The following GLRA1 variants were observed in gnomAD, a reference collection of about 807,000 sequenced individuals.
The protein encoded by GLRA1 is glycine receptor subunit alpha-1.
In GLRA1, 37 loss-of-function variants were observed where a neutral mutation model predicts 48.3. That is an observed-to-expected ratio of 0.77 (90% CI 0.59 to 1.01). GLRA1 has a LOEUF of 1.01. Ranked by LOEUF, GLRA1 falls within the 50% of genes least tolerant of loss-of-function variation. The probability of loss-of-function intolerance (pLI) is 0.00; values close to 1 mark genes in which losing one functional copy is unlikely to be tolerated. For missense variants in GLRA1, 427 were observed against 571.0 expected (o/e 0.75, Z 2.57); for synonymous variants, 196 against 210.7 (o/e 0.93, Z 0.60).
chr5:151,903,983 G>T (rs1436491310), intron 1 of GLRA1, among the ~76,000 whole-genome samples: 1 of 152,218 alleles, frequency 6.6e-6, no homozygotes, highest in African/African-American at 2.4e-5. Flanking sequence ...TGCTAAAACA[G>T]CTCACTCAAT....
chr5:151,871,415 A>T lies in GLRA1; in HGVS notation c.253-11407T>A, dbSNP rs184730792. Among the ~76,000 whole-genome samples the T allele has an allele frequency of 2.7e-5, 4 of 149,702 alleles. No individual in the cohort carries two copies. The East Asian group carries it at 5.8e-4, about 22-fold the overall frequency. The stretch of plus-strand genomic sequence containing the variant: ...TGAAATATGTGAGTTGTATATATTT[A>T]AAAAAATCAAAAACTTTACTGAAAG... On this transcript the variant is annotated intron_variant, in intron 3 of 8. Coordinates refer to ENST00000274576, the MANE Select transcript of GLRA1 (RefSeq NM_000171.4).
In GLRA1 at chr5:151,893,295, T is replaced by A. The variant is rs149556058; in HGVS notation, c.57-857A>T. ...CTCCCTCTGCCCAACTTTCTTTCTTTCTTTCTTTCTTTCTTTCTTTCTTTC... is the reference window on the plus strand; with the variant it reads ...CTCCCTCTGCCCAACTTTCTTTCTTACTTTCTTTCTTTCTTTCTTTCTTTC... On this transcript the variant is annotated intron_variant, in intron 1 of 8. Coordinates refer to ENST00000274576, the MANE Select transcript of GLRA1 (RefSeq NM_000171.4). Among the ~76,000 whole-genome samples, 471 of 115,112 alleles carry A rather than the reference T, an allele frequency of 4.1e-3. 3 individuals carry two copies. Among genetic ancestry groups the A allele is most frequent in the African/African-American group, 0.015 (433 of 28,802 alleles). The allele number at this position is 115,112 out of a possible 152,430, so 75.5% of individuals were successfully genotyped here. A position where few individuals can be genotyped will look rare whatever the true frequency, so the allele number is the denominator to read the frequency against.
At chr5:151,879,329 CT>C (rs35141091) in intron 3 of GLRA1, among the ~76,000 whole-genome samples, 13 of 148,088 alleles carry the variant, frequency 8.8e-5, no homozygotes, top group Non-Finnish European at 1.3e-4. Context: ...AACTAACTTC[CT>C]TTTTTTTTTC....
chr5:151,824,385 C>T (rs910512310), intron 8 of GLRA1, among the ~76,000 whole-genome samples: 2 of 151,994 alleles, frequency 1.3e-5, no homozygotes, highest in African/African-American at 4.8e-5. Flanking sequence ...TGCTTAGAAC[C>T]TTTTAATAGG....
chr5:151,865,604 A>G (rs1426063990), intron 3 of GLRA1, among the ~76,000 whole-genome samples: 3 of 152,232 alleles, frequency 2.0e-5, no homozygotes, highest in Non-Finnish European at 2.9e-5. Context: ...GCATTTTATT[A>G]CTAATATTTA....
intron 4 of GLRA1, among the ~76,000 whole-genome samples, chr5:151,859,068 G>A (rs76065488): frequency 0.047 from 7,223 of 152,220 alleles, 597 homozygotes; most frequent in African/African-American, 0.16. Context: ...CCTGCTTCAT[G>A]GGGTTATTAG....
At chr5:151,910,175 G>A (rs909112279) in intron 1 of GLRA1, among the ~76,000 whole-genome samples, 1 of 152,130 alleles carries the variant, frequency 6.6e-6, no homozygotes, top group African/African-American at 2.4e-5. Flanking sequence ...CAATCAAGAC[G>A]GCACTGGTTT....
Position 151,851,467 on chromosome 5 carries a change from C to T in GLRA1, c.835G>A (p.Ala279Thr). 1 of 1,613,982 alleles carries T rather than the reference C, an allele frequency of 6.2e-7. No individual in the cohort carries two copies. The highest frequency in any genetic ancestry group is 8.5e-7 in the Non-Finnish European group (1 of 1,179,934). ...SFWINMDAAPARVGLGITTVL... is the reference protein window; with the variant it reads ...SFWINMDAAPTRVGLGITTVL... Reference sequence around the variant, plus strand: ...GTGGTGATGCCTAGGCCCACACGAGCAGGTGCAGCATCCATGTTGATCCAG... The same window carrying T: ...GTGGTGATGCCTAGGCCCACACGAGTAGGTGCAGCATCCATGTTGATCCAG... The change falls in exon 7 of 9, where the codon GCT becomes ACT. Residue 279 changes from alanine to threonine, a missense_variant. Around this residue, in one of 4 missense-constraint regions of GLRA1, gnomAD observed 271 missense variants for 434.9 expected, o/e 0.62. Coordinates refer to ENST00000274576, the MANE Select transcript of GLRA1 (RefSeq NM_000171.4).
At chr5:151,896,339 A>T (rs1754227527) in intron 1 of GLRA1, among the ~76,000 whole-genome samples, 2 of 152,352 alleles carry the variant, frequency 1.3e-5, no homozygotes, top group South Asian at 4.1e-4. Flanking sequence ...AAGGAATTAG[A>T]ACTTACATTT....
chr5:151,872,835 T>C (rs950698731), intron 3 of GLRA1, among the ~76,000 whole-genome samples: 1 of 149,896 alleles, frequency 6.7e-6, no homozygotes, highest in Non-Finnish European at 1.5e-5. Context: ...GGTAGATCTA[T>C]ATGTAGCCAT....
At chr5:151,827,046 T>TTTTTTTTTTTTA (rs1240708692) in intron 8 of GLRA1, among the ~76,000 whole-genome samples, 1 of 150,664 alleles carries the variant, frequency 6.6e-6, no homozygotes, top group African/African-American at 2.4e-5. Context: ...TTTTTTTTTT[T>TTTTTTTTTTTTA]GAGACAAAGT....
In GLRA1 at chr5:151,844,682, A is replaced by G. The variant is rs114412032; in HGVS notation, c.912+6708T>C. Reference sequence around the variant, plus strand: ...AGACACCAAAAGCGTAAGCAACAAAAGAAAAAACAGATAAATTAGACTTTA... The same window carrying G: ...AGACACCAAAAGCGTAAGCAACAAAGGAAAAAACAGATAAATTAGACTTTA... On this transcript the variant is annotated intron_variant, in intron 7 of 8. Coordinates refer to ENST00000274576, the MANE Select transcript of GLRA1 (RefSeq NM_000171.4). 5.1e-3 allele frequency among the ~76,000 whole-genome samples: 781 copies of G among 151,716 alleles called. 8 individuals are homozygous for G. Among genetic ancestry groups the G allele is most frequent in the African/African-American group, 0.018 (734 of 41,492 alleles).
intron 1 of GLRA1, among the ~76,000 whole-genome samples, chr5:151,921,249 A>G (rs146957431): frequency 2.6e-4 from 39 of 152,286 alleles, no homozygotes; most frequent in East Asian, 1.2e-3. Context: ...GGTGCTTTAT[A>G]TATTTCATGA....
intron 1 of GLRA1, among the ~76,000 whole-genome samples, chr5:151,920,147 G>A (rs560967307): frequency 1.3e-5 from 2 of 152,336 alleles, no homozygotes; most frequent in South Asian, 4.1e-4. Flanking sequence ...GTGAAGAAAT[G>A]AAGGCAGCAT....
intron 3 of GLRA1, among the ~76,000 whole-genome samples, chr5:151,871,010 G>A (rs1287531676): frequency 6.7e-6 from 1 of 149,614 alleles, no homozygotes; most frequent in Non-Finnish European, 1.5e-5. Context: ...CTGATGAAGA[G>A]TCACGCTCTG....
At chr5:151,843,699 G>A (rs191417582) in intron 7 of GLRA1, among the ~76,000 whole-genome samples, 63 of 152,244 alleles carry the variant, frequency 4.1e-4, no homozygotes, top group African/African-American at 1.4e-3. Context: ...TAATCAAAAC[G>A]GTGTGGTACT....
intron 7 of GLRA1, among the ~76,000 whole-genome samples, chr5:151,839,094 AGTGG>A (rs1264771917): frequency 6.6e-6 from 1 of 152,256 alleles, no homozygotes; most frequent in Non-Finnish European, 1.5e-5. Context: ...TACAGAAGAT[AGTGG>A]GATAACATTT....
intron 7 of GLRA1, among the ~76,000 whole-genome samples, chr5:151,843,605 G>C (rs527245119): frequency 1.3e-5 from 2 of 152,146 alleles, no homozygotes; most frequent in African/African-American, 4.8e-5. Context: ...AAAAGACAGA[G>C]AGTAGCCAAA....
intron 3 of GLRA1, among the ~76,000 whole-genome samples, chr5:151,863,992 G>T (rs1201861407): frequency 6.6e-6 from 1 of 152,186 alleles, no homozygotes; most frequent in African/African-American, 2.4e-5. Flanking sequence ...AAGTCCCATG[G>T]TGGTGGAAGA....
Sources: allele counts gnomAD v4.1 joint callset (sites outside exome capture counted in the v4.1 genomes callset), GRCh38; gene constraint gnomAD v4.1.1; regional missense constraint gnomAD v4.1.1; transcripts MANE v1.5; gene names NCBI Gene and HGNC (gene_info 2026-07-23, HGNC 2026-07-21).